Variants in TMEM276 observed in about 807,000 individuals in gnomAD.
TMEM276 encodes transmembrane protein 276.
At chr8:144,466,462 C>T in the TMEM276 span, 7 of 1,362,188 alleles carry the variant, frequency 5.1e-6, no homozygotes, top group Admixed American at 2.6e-5. Context: ...CTTCTACAGC[C>T]TCTTCCGCAG....
the TMEM276 span, chr8:144,465,484 C>CAG: frequency 1.0e-6 from 1 of 977,422 alleles, no homozygotes; most frequent in Non-Finnish European, 1.2e-6. Context: ...GAACCTCCAC[C>CAG]AGCGAGAGGA....
the TMEM276 span, chr8:144,466,867 C>A: frequency 6.5e-7 from 1 of 1,535,836 alleles, no homozygotes; most frequent in South Asian, 1.2e-5. Context: ...TCCCGCGGTG[C>A]GAGGGCGGTG....
the TMEM276 span, chr8:144,464,643 G>A: frequency 6.3e-7 from 1 of 1,583,302 alleles, no homozygotes; most frequent in South Asian, 1.1e-5. Flanking sequence ...GAACACGTGG[G>A]AAAAAGAGGC....
the TMEM276 span, chr8:144,466,937 C>T: frequency 1.3e-6 from 2 of 1,582,880 alleles, no homozygotes; most frequent in African/African-American, 1.3e-5. Context: ...AAATGTCTCC[C>T]GCCCTCCTCC....
chr8:144,466,965 C>T, the TMEM276 span: 3 of 1,594,094 alleles, frequency 1.9e-6, no homozygotes, highest in Non-Finnish European at 2.5e-6. Flanking sequence ...GCAGCCAGCT[C>T]CGAGCCTGAG....
At chr8:144,465,075 T>C in the TMEM276 span, 1 of 1,511,160 alleles carries the variant, frequency 6.6e-7, no homozygotes, top group African/African-American at 1.4e-5. Flanking sequence ...ACTTTCCGGA[T>C]CCCTGAGGCC....
At chr8:144,465,865 T>C in the TMEM276 span, among the ~76,000 whole-genome samples, 3 of 9,454 alleles carry the variant, frequency 3.2e-4, no homozygotes. Context: ...GATGGGGGGG[T>C]CTGGGCGTGG....
At chr8:144,465,532 G>T in the TMEM276 span, 1 of 595,700 alleles carries the variant, frequency 1.7e-6, no homozygotes. Flanking sequence ...TAGAGCGGCT[G>T]GGGGGGGAGG....
chr8:144,465,305 G>T, the TMEM276 span: 2 of 1,122,988 alleles, frequency 1.8e-6, no homozygotes, highest in South Asian at 1.9e-5. Flanking sequence ...CCCGGGTCCA[G>T]GAGGAGCGAC....
the TMEM276 span, chr8:144,465,530 C>T: frequency 7.5e-6 from 4 of 531,942 alleles, no homozygotes; most frequent in African/African-American, 3.1e-5. Context: ...GCTAGAGCGG[C>T]TGGGGGGGGA....
At chr8:144,466,453 T>A in the TMEM276 span, 7 of 1,358,596 alleles carry the variant, frequency 5.2e-6, no homozygotes, top group Non-Finnish European at 6.7e-6. Flanking sequence ...CATCTACATC[T>A]TCTACAGCCT....
chr8:144,464,511 G>A, the TMEM276 span: 6 of 1,612,302 alleles, frequency 3.7e-6, no homozygotes, highest in Non-Finnish European at 5.1e-6. Context: ...TGGCCACCCA[G>A]GCTCCAGCAA....
chr8:144,464,680 G>T, the TMEM276 span: 1 of 1,574,494 alleles, frequency 6.4e-7, no homozygotes. Flanking sequence ...AACAGGAAAG[G>T]GTTTGGGGCT....
chr8:144,465,144 C>A, the TMEM276 span: 2 of 1,445,856 alleles, frequency 1.4e-6, no homozygotes, highest in South Asian at 1.3e-5. Flanking sequence ...GGGAAAACGA[C>A]TCAGGGTCTA....
At chr8:144,466,837 CG>C in the TMEM276 span, 1 of 1,536,776 alleles carries the variant, frequency 6.5e-7, no homozygotes, top group African/African-American at 1.4e-5. Context: ...CCGGCCTGGC[CG>C]GTAGGTGCGG....
chr8:144,465,275 G>C, the TMEM276 span: 1 of 1,113,046 alleles, frequency 9.0e-7, no homozygotes, highest in Non-Finnish European at 1.1e-6. Flanking sequence ...CCTGCGTTCC[G>C]GGAGGCGTTG....
At chr8:144,463,975 A>G in the TMEM276 span, 19 of 1,505,872 alleles carry the variant, frequency 1.3e-5, no homozygotes, top group Non-Finnish European at 1.5e-5. Context: ...GCCAAAGGAC[A>G]GCACCCAGAC....
the TMEM276 span, chr8:144,465,363 G>A: frequency 4.7e-6 from 5 of 1,065,742 alleles, no homozygotes; most frequent in Middle Eastern, 9.0e-4. Flanking sequence ...CGGGCTGCGC[G>A]GTCCCAACGC....
the TMEM276 span, chr8:144,466,764 C>G: frequency 5.9e-5 from 90 of 1,530,678 alleles, no homozygotes; most frequent in Admixed American, 2.0e-5. Context: ...CCCTAGAGAG[C>G]CCGCAAGCCC....
Sources: gnomAD v4.1 joint callset for allele counts (sites outside exome capture counted in the v4.1 genomes callset) on GRCh38, gnomAD v4.1.1 for gene constraint, MANE v1.5 for transcripts, NCBI Gene and HGNC (gene_info 2026-07-23, HGNC 2026-07-21) for gene names.